The following ABCA1 variants were observed in gnomAD, a reference collection of about 807,000 sequenced individuals.
ABCA1 encodes the protein phospholipid-transporting ATPase ABCA1.
A neutral mutation model predicts 262.5 loss-of-function variants in ABCA1; 133 were observed. The ratio of observed to expected loss-of-function variants is 0.51; its 90% CI spans 0.44 to 0.59. The LOEUF is 0.59. Among genes scored for constraint, ABCA1 ranks in the 20% least tolerant of loss-of-function variants. ABCA1 has a pLI of 0.00. For synonymous variants in ABCA1, 1,022 were observed against 1,043.5 expected (o/e 0.98, Z 0.40); for missense variants, 2,452 against 2,777.5 (o/e 0.88, Z 2.63).
intron 7 of ABCA1, among the ~76,000 whole-genome samples, chr9:104,851,397 G>C (rs115467372): frequency 6.6e-6 from 1 of 152,016 alleles, no homozygotes; most frequent in Non-Finnish European, 1.5e-5. Context: ...ACGTCTCATC[G>C]TTCCTTCTCC....
At chr9:104,917,099 T>C (rs1245654126) in intron 1 of ABCA1, among the ~76,000 whole-genome samples, 2 of 152,160 alleles carry the variant, frequency 1.3e-5, no homozygotes, top group African/African-American at 2.4e-5. Flanking sequence ...TTAAAAGTTC[T>C]AGGAAAGGTG....
rs1828663370 is a variant in ABCA1, at chr9:104,783,473, C to T, written c.*842G>A. 6.6e-6 allele frequency: 1 copy of T among 152,310 alleles called. No individual in the cohort carries two copies. The highest frequency in any genetic ancestry group is 1.5e-5 in the Non-Finnish European group (1 of 68,122). The allele number at this position is 152,310 out of a possible 1,614,324, so 9.4% of individuals were successfully genotyped here. A position where few individuals can be genotyped will look rare whatever the true frequency, so the allele number is the denominator to read the frequency against. ...TCTCTTTAATCCCATGCCCTGGCTT[C>T]AGCAGCTTGCAGCCCCAGCAGTTTG... On this transcript the variant is annotated 3_prime_UTR_variant, in exon 50 of 50. Transcript: ENST00000374736.
chr9:104,855,840 T>C (rs371340810), intron 7 of ABCA1: 38 of 1,610,416 alleles, frequency 2.4e-5, no homozygotes, highest in Non-Finnish European at 3.1e-5. Flanking sequence ...GCACCCAGAT[T>C]CTGAAGGAGG....
At chr9:104,800,023 C>T (rs370754743) in intron 35 of ABCA1, 35 bp from the exon 36 acceptor site, 27 of 1,613,362 alleles carry the variant, frequency 1.7e-5, no homozygotes, top group Non-Finnish European at 2.1e-5. Flanking sequence ...AGGTAATGCC[C>T]CCAAACCGGG....
At chr9:104,810,457 T>C (rs1417146482) in intron 29 of ABCA1, among the ~76,000 whole-genome samples, 1 of 152,142 alleles carries the variant, frequency 6.6e-6, no homozygotes, top group Non-Finnish European at 1.5e-5. Context: ...GCCCTGTGAC[T>C]CAGTTACAGA....
chr9:104,898,509 T>C (rs771852928), intron 2 of ABCA1, among the ~76,000 whole-genome samples: 2 of 151,692 alleles, frequency 1.3e-5, no homozygotes, highest in African/African-American at 2.4e-5. Context: ...ATTGCTCCAC[T>C]GCACTCCAGC....
At chr9:104,801,644 C>T (rs540605935) in intron 34 of ABCA1, among the ~76,000 whole-genome samples, 5 of 152,100 alleles carry the variant, frequency 3.3e-5, no homozygotes, top group African/African-American at 1.2e-4. Context: ...AGGGTTCAAG[C>T]AATTCTCCTG....
chr9:104,889,145 C>G lies in ABCA1; in HGVS notation c.117G>C (p.Leu39=), dbSNP rs762005728. The G allele has an allele frequency of 1.2e-6, 2 of 1,614,160 alleles. No individual in the cohort carries two copies. Among genetic ancestry groups the G allele is most frequent in the South Asian group, 1.1e-5 (1 of 91,068 alleles). Residue 39 remains leucine (L), a synonymous_variant, in exon 3 of 50, where the codon CTG becomes CTC. Transcript: ENST00000374736. ...GTGGGTAGCTCAGCCGAACAGAGATCAGGATCAGGAAGATAAATAGAGGCC... is the reference window on the plus strand; with the variant it reads ...GTGGGTAGCTCAGCCGAACAGAGATGAGGATCAGGAAGATAAATAGAGGCC... ...VAWPLFIFLI[L]ISVRLSYPPY...
At chr9:104,799,262 G>C (rs920919408) in intron 36 of ABCA1, among the ~76,000 whole-genome samples, 1 of 151,952 alleles carries the variant, frequency 6.6e-6, no homozygotes, top group Non-Finnish European at 1.5e-5. Context: ...GCTGAGTGCT[G>C]GGCTTGGCAA....
chr9:104,813,358 C>A (rs1183955997), intron 27 of ABCA1, among the ~76,000 whole-genome samples: 1 of 152,174 alleles, frequency 6.6e-6, no homozygotes, highest in South Asian at 2.1e-4. Flanking sequence ...TGTCTTAGCT[C>A]TCCTCTCCAT....
At chr9:104,915,164 C>A (rs1564298047) in intron 1 of ABCA1, among the ~76,000 whole-genome samples, 1 of 152,260 alleles carries the variant, frequency 6.6e-6, no homozygotes, top group Non-Finnish European at 1.5e-5. Context: ...GTTATCCAAT[C>A]TCCAGGCTCT....
At chr9:104,927,671 G>C (rs953476509) in intron 1 of ABCA1, 1 of 152,274 alleles carries the variant, frequency 6.6e-6, no homozygotes, top group Non-Finnish European at 1.5e-5. Flanking sequence ...GGGGTACTGC[G>C]CCCGGGTCTC....
chr9:104,868,152 A>G (rs10991386), intron 5 of ABCA1, among the ~76,000 whole-genome samples: 80,498 of 151,946 alleles, frequency 0.53, 23,486 homozygotes, highest in African/African-American at 0.79. Flanking sequence ...CTGAGGTCGG[A>G]AGTTCGAGAC....
chr9:104,837,494 CT>C lies in ABCA1; in HGVS notation c.1127del (p.Lys376SerfsTer24). The C allele has an allele frequency of 6.2e-7, 1 of 1,614,170 alleles. No homozygotes were observed. Among genetic ancestry groups the C allele is most frequent in the South Asian group, 1.1e-5 (1 of 91,076 alleles). ...PLSRIIWKAL[K>X]PLLVGKILYT... Reference sequence around the variant, plus strand: ...ACAGGATCTTCCCAACGAGCAGCGGCTTCAGAGCTTTCCAGATAATGCGGGA... The same window carrying C: ...ACAGGATCTTCCCAACGAGCAGCGGCTCAGAGCTTTCCAGATAATGCGGGA... On this transcript the variant is annotated frameshift_variant, in exon 10 of 50. Coordinates refer to ENST00000374736, the MANE Select transcript of ABCA1 (RefSeq NM_005502.4). LOFTEE classifies it high-confidence loss of function.
chr9:104,809,711 C>A, intron 29 of ABCA1, 147 bp from the exon 30 acceptor site: 1 of 778,038 alleles, frequency 1.3e-6, no homozygotes, highest in Non-Finnish European at 2.2e-6. Flanking sequence ...CAGAAACCAC[C>A]CAGAAGGATC....
At chr9:104,818,169 T>TA (rs34642413) in intron 23 of ABCA1, among the ~76,000 whole-genome samples, 24 of 145,510 alleles carry the variant, frequency 1.6e-4, no homozygotes, top group South Asian at 4.3e-4. Flanking sequence ...TGATAGAGGT[T>TA]AAAAAAAAAA....
At chr9:104,858,499 C>G (rs778333961) in intron 7 of ABCA1, 23 bp downstream of exon 7, 1 of 1,611,844 alleles carries the variant, frequency 6.2e-7, no homozygotes, top group Non-Finnish European at 8.5e-7. Context: ...CTTGAAGTTT[C>G]TCCAGTGAGC....
chr9:104,885,467 G>A (rs574878742), intron 3 of ABCA1, among the ~76,000 whole-genome samples: 1 of 149,820 alleles, frequency 6.7e-6, no homozygotes, highest in Admixed American at 6.7e-5. Context: ...AGCTCCTCAA[G>A]GGCACCTGAA....
At chr9:104,810,955 A>G (rs1481999006) in intron 28 of ABCA1, 31 bp from the exon 29 acceptor site, 4 of 1,613,608 alleles carry the variant, frequency 2.5e-6, no homozygotes, top group East Asian at 2.2e-5. Context: ...GGGCAGGGGG[A>G]CAGCAGGAAA....
Sources: allele counts gnomAD v4.1 joint callset (sites outside exome capture counted in the v4.1 genomes callset), GRCh38; gene constraint gnomAD v4.1.1; transcripts MANE v1.5; gene names NCBI Gene and HGNC (gene_info 2026-07-23, HGNC 2026-07-21).